ZNF362: variants seen among roughly 807,000 people sequenced by gnomAD.
ZNF362 encodes rotund homolog.
Under a neutral mutation model 42.9 loss-of-function variants are expected in ZNF362, and 11 were observed. That is an observed-to-expected ratio of 0.26 (90% CI 0.16 to 0.42). The LOEUF is 0.42. Among genes scored for constraint, ZNF362 ranks in the 20% least tolerant of loss-of-function variants. ZNF362 has a pLI of 1.00. For missense variants in ZNF362, 362 were observed against 576.2 expected, an observed-to-expected ratio of 0.63 and a Z score of 3.81; for synonymous variants, 255 against 257.3, an observed-to-expected ratio of 0.99 and a Z score of 0.09.
chr1:33,228,000 G>A, the ZNF362 span, among the ~76,000 whole-genome samples: 1 of 152,144 alleles, frequency 6.6e-6, no homozygotes, highest in African/African-American at 2.4e-5. Context: ...TGTGAAAAGG[G>A]CTCAGGTTTA....
At chr1:33,238,465 T>A in the ZNF362 span, among the ~76,000 whole-genome samples, 1 of 151,884 alleles carries the variant, frequency 6.6e-6, no homozygotes, top group Non-Finnish European at 1.5e-5. Flanking sequence ...CCCATTTGAG[T>A]CATGTGACCG....
the ZNF362 span, among the ~76,000 whole-genome samples, chr1:33,150,322 C>G: frequency 6.6e-6 from 1 of 152,210 alleles, no homozygotes; most frequent in African/African-American, 2.4e-5. Flanking sequence ...CTGTTGGCTG[C>G]ACTGATGTGC....
At chr1:33,246,062 G>A in the ZNF362 span, among the ~76,000 whole-genome samples, 40 of 152,318 alleles carry the variant, frequency 2.6e-4, no homozygotes, top group African/African-American at 9.6e-4. Context: ...GGAGCCTTAG[G>A]AGGAGGGAGC....
At chr1:33,276,223 TG>T in intron 3 of ZNF362, 60 bp downstream of exon 3, 2 of 1,605,106 alleles carry the variant, frequency 1.2e-6, no homozygotes, top group Non-Finnish European at 1.7e-6. Flanking sequence ...TCGCTTCCCC[TG>T]GGTTTTGGCT....
Position 33,281,503 on chromosome 1 carries a change from C to A in ZNF362, c.684-84C>A. On this transcript the variant is annotated intron_variant, in intron 5 of 8. Transcript: ENST00000539719. The surrounding 1 kb of genome is among the most constrained non-coding windows in gnomAD (Gnocchi z 4.8). ...TCACAGGAAAGACCTGTCCCAGGTG[C>A]AAGGTCTCTCTGATGTAGAAGGCCT... 7.5e-7 allele frequency: 1 copy of A among 1,333,620 alleles called. No individual in the cohort carries two copies. Among genetic ancestry groups the A allele is most frequent in the Non-Finnish European group, 1.1e-6 (1 of 940,028 alleles). 82.6% of individuals were successfully genotyped at this position (1,333,620 alleles called of 1,614,324 possible). A position where few individuals can be genotyped will look rare whatever the true frequency, so the allele number is the denominator to read the frequency against.
the ZNF362 span, among the ~76,000 whole-genome samples, chr1:33,228,509 C>A: frequency 6.6e-6 from 1 of 152,176 alleles, no homozygotes; most frequent in Non-Finnish European, 1.5e-5. Context: ...TTGCCTTCCA[C>A]AAATCTGGTT....
the ZNF362 span, among the ~76,000 whole-genome samples, chr1:33,167,980 T>G: frequency 1.3e-5 from 2 of 152,170 alleles, no homozygotes; most frequent in African/African-American, 4.8e-5. This position sits in a 1 kb window ranked among gnomAD's most constrained non-coding sequence, Gnocchi z 4.2. Flanking sequence ...GGGACTAGTC[T>G]GGTGGGGAAG....
At position 33,257,192 on chromosome 1, in the gene ZNF362, C is replaced by T. The variant is rs1645798843; in HGVS notation, c.-89+538C>T. Among the ~76,000 whole-genome samples the T allele has an allele frequency of 2.0e-5, 3 of 152,048 alleles. No individual in the cohort carries two copies. The South Asian group carries it at 6.2e-4, about 32-fold the overall frequency. On this transcript the variant is annotated intron_variant, in intron 1 of 8. Transcript: ENST00000539719. ...CTTTTGTCTGAAAATTTTAATAAAA[C>T]TGTCTGAGAATGTGGGAGAGGCGGC... is the stretch of plus-strand genomic sequence containing the variant.
intron 8 of ZNF362, among the ~76,000 whole-genome samples, chr1:33,298,283 G>A (rs1253609837): frequency 1.3e-5 from 2 of 152,212 alleles, no homozygotes; most frequent in South Asian, 4.1e-4. Flanking sequence ...CCAGGAGGTT[G>A]AGGCTGTGGT....
At chr1:33,286,970 G>T (rs1391414738) in intron 6 of ZNF362, among the ~76,000 whole-genome samples, 6 of 152,202 alleles carry the variant, frequency 3.9e-5, no homozygotes. Context: ...GAGTTGAGAA[G>T]GTTGTGCTTG....
chr1:33,232,536 C>T, the ZNF362 span, among the ~76,000 whole-genome samples: 1 of 152,210 alleles, frequency 6.6e-6, no homozygotes, highest in East Asian at 1.9e-4. Context: ...GCTGGGATTA[C>T]AGGCGTGAGC....
chr1:33,221,492 A>G, the ZNF362 span, among the ~76,000 whole-genome samples: 1 of 152,200 alleles, frequency 6.6e-6, no homozygotes, highest in African/African-American at 2.4e-5. Context: ...CCGTCTTTGT[A>G]TATCCATAGT....
chr1:33,140,384 C>T, the ZNF362 span, among the ~76,000 whole-genome samples: 1,450 of 152,286 alleles, frequency 9.5e-3, 15 homozygotes, highest in South Asian at 0.03. This position sits in a 1 kb window ranked among gnomAD's most constrained non-coding sequence, Gnocchi z 4.0. Context: ...CTCCCAGTGG[C>T]AAGAACAGTG....
chr1:33,170,545 G>C, the ZNF362 span, among the ~76,000 whole-genome samples: 1 of 152,110 alleles, frequency 6.6e-6, no homozygotes, highest in East Asian at 1.9e-4. Flanking sequence ...CCAAGGATGA[G>C]GCTAGGCTGA....
the ZNF362 span, among the ~76,000 whole-genome samples, chr1:33,240,592 A>G: frequency 5.9e-5 from 9 of 152,110 alleles, no homozygotes; most frequent in Non-Finnish European, 2.9e-5. Context: ...GAGAATTCCC[A>G]GGTAGACATT....
At chr1:33,252,381 CA>C (rs1645766539), upstream of ZNF362, among the ~76,000 whole-genome samples, 1 of 86,924 alleles carries the variant, frequency 1.2e-5, no homozygotes, top group South Asian at 4.1e-4. Context: ...ACAACAACAA[CA>C]ACAACCAGAA....
chr1:33,281,929 G>C lies in ZNF362; in HGVS notation c.908+118G>C. The C allele has an allele frequency of 9.7e-7, 1 of 1,034,968 alleles. No homozygotes were observed. Among genetic ancestry groups the C allele is most frequent in the Non-Finnish European group, 1.4e-6 (1 of 699,566 alleles). 64.1% of individuals were successfully genotyped at this position (1,034,968 alleles called of 1,614,324 possible). On this transcript the variant is annotated intron_variant, in intron 6 of 8. Transcript: ENST00000539719. This position sits in a 1 kb window ranked among gnomAD's most constrained non-coding sequence, Gnocchi z 4.8. ...TTCTCCAGGTGCCCATTGCCCTCGGGGTCACGGCCCTTGTGGACCTCACTG... is the reference window on the plus strand; with the variant it reads ...TTCTCCAGGTGCCCATTGCCCTCGGCGTCACGGCCCTTGTGGACCTCACTG...
intron 2 of ZNF362, among the ~76,000 whole-genome samples, chr1:33,271,197 A>T (rs7512973): frequency 0.98 from 149,737 of 152,322 alleles, 73,656 homozygotes; most frequent in Middle Eastern, 1. Flanking sequence ...AGCAGCCTTT[A>T]AGGTCTGGCC....
At chr1:33,199,380 T>C in the ZNF362 span, among the ~76,000 whole-genome samples, 1 of 152,108 alleles carries the variant, frequency 6.6e-6, no homozygotes, top group African/African-American at 2.4e-5. Flanking sequence ...ATCTTTAAAG[T>C]ACTGAAAGGA....
Sources: gnomAD v4.1 joint callset for allele counts (sites outside exome capture counted in the v4.1 genomes callset) on GRCh38, gnomAD v4.1.1 for gene constraint, Gnocchi (gnomAD v3.1) non-coding constraint, MANE v1.5 for transcripts, NCBI Gene and HGNC (gene_info 2026-07-23, HGNC 2026-07-21) for gene names.